The following NELFA variants were observed in gnomAD, a reference collection of about 807,000 sequenced individuals.
The protein encoded by NELFA is negative elongation factor complex member A.
NELFA carries 35 observed loss-of-function variants against 51.8 expected under a neutral mutation model. The observed-to-expected ratio is 0.68, with a 90% CI of 0.52 to 0.90. The LOEUF (loss-of-function observed/expected upper bound fraction) is 0.90. Among genes scored for constraint, NELFA ranks in the 40% least tolerant of loss-of-function variants. The pLI is 0.00. For synonymous variants in NELFA, 417 were observed against 338.4 expected (o/e 1.23, Z -2.55); for missense variants, 658 against 746.4 (o/e 0.88, Z 1.38).
In NELFA at chr4:2,008,736, C is replaced by T. The variant is rs1030773858; in HGVS notation, c.210+14G>A. 1.3e-6 allele frequency: 2 copies of T among 1,594,078 alleles called. No homozygotes were observed. The highest frequency in any genetic ancestry group is 1.7e-5 in the Admixed American group (1 of 57,520). On this transcript the variant is annotated intron_variant, in intron 1 of 10. Transcript: ENST00000382882. ...TGGGAATCTGGGGGCCGCGGGGCGC[C>T]ACGCCTGCCTTACCTCGTCCACCGT...
intron 1 of NELFA, among the ~76,000 whole-genome samples, chr4:1,993,990 T>G (rs1728356543): frequency 6.6e-6 from 1 of 152,146 alleles, no homozygotes; most frequent in African/African-American, 2.4e-5. Context: ...AGGTCTGTAA[T>G]TCTTAGAGAG....
intron 7 of NELFA, among the ~76,000 whole-genome samples, chr4:1,985,402 C>T (rs113835137): frequency 1.1e-3 from 165 of 152,254 alleles, no homozygotes; most frequent in African/African-American, 3.8e-3. Flanking sequence ...GCCTGGTCTC[C>T]GGGACACTGA....
chr4:2,006,547 T>C (rs1728714466), intron 1 of NELFA, among the ~76,000 whole-genome samples: 1 of 151,748 alleles, frequency 6.6e-6, no homozygotes, highest in Admixed American at 6.6e-5. Context: ...GGCAGGAGGA[T>C]CACTTGAGGC....
At chr4:2,004,978 T>C (rs549728355) in intron 1 of NELFA, among the ~76,000 whole-genome samples, 82 of 151,576 alleles carry the variant, frequency 5.4e-4, no homozygotes, top group African/African-American at 1.9e-3. Context: ...GCTAATTTTT[T>C]TGTATTTTTT....
chr4:2,000,349 C>G (rs977261000), intron 1 of NELFA, among the ~76,000 whole-genome samples: 1 of 151,938 alleles, frequency 6.6e-6, no homozygotes, highest in Non-Finnish European at 1.5e-5. Flanking sequence ...ATCAACAAAT[C>G]CAGGAGCTGG....
chr4:1,985,063 C>T, intron 7 of NELFA, 144 bp from the exon 8 acceptor site: 1 of 616,126 alleles, frequency 1.6e-6, no homozygotes, highest in South Asian at 2.1e-5. Flanking sequence ...TCCCGAGCTC[C>T]CTGGGCTAGA....
chr4:1,995,737 G>A (rs150483525), intron 1 of NELFA, among the ~76,000 whole-genome samples: 1 of 152,302 alleles, frequency 6.6e-6, no homozygotes, highest in East Asian at 1.9e-4. Context: ...CCAAGGTTGA[G>A]CTCACATGGT....
At chr4:1,995,847 C>T (rs562369750) in intron 1 of NELFA, among the ~76,000 whole-genome samples, 34 of 151,096 alleles carry the variant, frequency 2.3e-4, no homozygotes, top group South Asian at 1.0e-3. Context: ...ATAATCCTAA[C>T]GGGGAGATCA....
intron 2 of NELFA, chr4:1,990,581 G>A: frequency 2.2e-6 from 1 of 448,246 alleles, no homozygotes. Context: ...GGGGAGAGGT[G>A]CCACTTGCAG....
chr4:2,000,661 T>TA (rs1203388231), intron 1 of NELFA, among the ~76,000 whole-genome samples: 1 of 152,008 alleles, frequency 6.6e-6, no homozygotes, highest in African/African-American at 2.4e-5. Flanking sequence ...AGTAACAACC[T>TA]ACCAACCAAA....
At chr4:2,004,561 C>T (rs937781035) in intron 1 of NELFA, among the ~76,000 whole-genome samples, 3 of 151,868 alleles carry the variant, frequency 2.0e-5, no homozygotes, top group Admixed American at 1.3e-4. Context: ...AATCATGGCT[C>T]GCCGCATCCT....
intron 3 of NELFA, 63 bp from the exon 4 acceptor site, chr4:1,988,070 A>G: frequency 7.2e-7 from 1 of 1,384,810 alleles, no homozygotes; most frequent in South Asian, 1.2e-5. Flanking sequence ...CCCTTGTAAA[A>G]ACATCTCTGT....
In NELFA at chr4:1,983,580, T is replaced by C; in HGVS notation, c.1402+16A>G. 1 of 1,613,616 alleles carries C rather than the reference T, an allele frequency of 6.2e-7. No homozygotes were observed. Among genetic ancestry groups the C allele is most frequent in the East Asian group, 2.2e-5 (1 of 44,840 alleles). On this transcript the variant is annotated intron_variant, in intron 10 of 10. Transcript: ENST00000382882. ...CCCGGCCCGGTGCACCCCCAGGCCCTGCCTTATGAACATACCTCGGGAGCC... is the reference window on the plus strand; with the variant it reads ...CCCGGCCCGGTGCACCCCCAGGCCCCGCCTTATGAACATACCTCGGGAGCC...
At chr4:1,992,042 C>T (rs1376039041) in intron 1 of NELFA, 2 of 257,578 alleles carry the variant, frequency 7.8e-6, no homozygotes, top group Non-Finnish European at 1.5e-5. Context: ...GGTGAGAAGC[C>T]GGGGCCACCA....
At position 1,989,800 on chromosome 4, in the gene NELFA, G is replaced by C; in HGVS notation, c.452C>G (p.Thr151Ser). Reference sequence around the variant, plus strand: ...CGGGGGAGTGAGGGGTCCCGCGAGGGTCGTCAGGGCGTTTTTGTTCAAGTA... The same window carrying C: ...CGGGGGAGTGAGGGGTCCCGCGAGGCTCGTCAGGGCGTTTTTGTTCAAGTA... ...CQYLNKNALT[T>S]LAGPLTPPVK... is the part of the protein sequence containing the mutation. The change falls in exon 3 of 11, where the codon ACC becomes AGC. Residue 151 changes from threonine (T) to serine (S), a missense_variant. This residue lies in a region of NELFA where 371 missense variants were observed against 448.3 expected (regional missense o/e 0.83). Coordinates refer to ENST00000382882, the MANE Select transcript of NELFA (RefSeq NM_005663.5). The surrounding 1 kb of genome is among the most constrained non-coding windows in gnomAD (Gnocchi z 4.8). 1 of 1,614,184 alleles carries C rather than the reference G, an allele frequency of 6.2e-7. No homozygotes were observed. Among genetic ancestry groups the C allele is most frequent in the Non-Finnish European group, 8.5e-7 (1 of 1,180,038 alleles).
chr4:2,002,296 G>A (rs1477539809), intron 1 of NELFA, among the ~76,000 whole-genome samples: 4 of 152,142 alleles, frequency 2.6e-5, no homozygotes, highest in Non-Finnish European at 5.9e-5. Flanking sequence ...CATGAAAATG[G>A]CCATACTGCT....
chr4:1,987,329 G>A (rs544239), intron 4 of NELFA, among the ~76,000 whole-genome samples: 11 of 152,320 alleles, frequency 7.2e-5, no homozygotes, highest in South Asian at 6.2e-4. Flanking sequence ...CCTCTGGGGT[G>A]AGTATGCCCT....
intron 1 of NELFA, among the ~76,000 whole-genome samples, chr4:2,002,165 A>G (rs1446797506): frequency 2.0e-5 from 3 of 152,110 alleles, no homozygotes; most frequent in Non-Finnish European, 4.4e-5. Flanking sequence ...GCGCCACTGC[A>G]CTCCAGCCTG....
At chr4:1,988,141 G>A in intron 3 of NELFA, 134 bp from the exon 4 acceptor site, 1 of 717,574 alleles carries the variant, frequency 1.4e-6, no homozygotes, top group Non-Finnish European at 2.2e-6. Context: ...ATGAGCAGCT[G>A]TTCCGAGCCG....
Sources: gnomAD v4.1 joint callset for allele counts (sites outside exome capture counted in the v4.1 genomes callset) on GRCh38, gnomAD v4.1.1 for gene constraint, gnomAD v4.1.1 regional missense constraint, Gnocchi (gnomAD v3.1) non-coding constraint, MANE v1.5 for transcripts, NCBI Gene and HGNC (gene_info 2026-07-23, HGNC 2026-07-21) for gene names.